The following MGAT4C variants were observed in gnomAD, a reference collection of about 807,000 sequenced individuals.
The protein encoded by MGAT4C is MGAT4 family member C.
A neutral mutation model predicts 40.1 loss-of-function variants in MGAT4C; 19 were observed. The ratio of observed to expected loss-of-function variants is 0.47; its 90% confidence interval spans 0.33 to 0.70. The LOEUF (loss-of-function observed/expected upper bound fraction) is 0.70. Among genes scored for constraint, MGAT4C ranks in the 30% least tolerant of loss-of-function variants. The pLI, the probability that MGAT4C is intolerant of heterozygous loss-of-function variation, is 0.02. For missense variants in MGAT4C, 491 were observed against 563.2 expected, an observed-to-expected ratio of 0.87 and a Z score of 1.30; for synonymous variants, 181 against 187.1, an observed-to-expected ratio of 0.97 and a Z score of 0.27.
chr12:86,672,055 C>G (rs1964267420), intron 2 of MGAT4C, among the ~76,000 whole-genome samples: 1 of 152,044 alleles, frequency 6.6e-6, no homozygotes, highest in South Asian at 2.1e-4. Flanking sequence ...AGTGTTAAAA[C>G]ATTCAGAACC....
intron 1 of MGAT4C, among the ~76,000 whole-genome samples, chr12:86,813,374 G>C (rs1405548064): frequency 6.6e-6 from 1 of 151,890 alleles, no homozygotes; most frequent in African/African-American, 2.4e-5. Flanking sequence ...TTTACCTTTA[G>C]ACATTAAGAT....
At chr12:86,390,412 T>G (rs1211510374) in intron 3 of MGAT4C, among the ~76,000 whole-genome samples, 5 of 152,194 alleles carry the variant, frequency 3.3e-5, no homozygotes, top group African/African-American at 1.2e-4. Context: ...GGATAGAGAC[T>G]TAGTAACTGA....
At chr12:86,424,726 A>G (rs1318289255) in intron 3 of MGAT4C, among the ~76,000 whole-genome samples, 2 of 152,154 alleles carry the variant, frequency 1.3e-5, no homozygotes, top group African/African-American at 4.8e-5. Context: ...TAATTCTTAT[A>G]ACAATCTAAT....
At chr12:86,648,229 T>A (rs1963599853) in intron 2 of MGAT4C, among the ~76,000 whole-genome samples, 1 of 151,962 alleles carries the variant, frequency 6.6e-6, no homozygotes, top group Non-Finnish European at 1.5e-5. Context: ...AAAAATATTG[T>A]TTTGAATCCA....
At chr12:86,731,877 C>T (rs73177497) in intron 1 of MGAT4C, among the ~76,000 whole-genome samples, 1 of 152,188 alleles carries the variant, frequency 6.6e-6, no homozygotes, top group Non-Finnish European at 1.5e-5. Flanking sequence ...TGTTTTTTAG[C>T]TAGAAGCATT....
intron 3 of MGAT4C, among the ~76,000 whole-genome samples, chr12:86,406,776 A>C (rs1289666703): frequency 2.0e-5 from 3 of 152,094 alleles, no homozygotes; most frequent in African/African-American, 7.2e-5. Flanking sequence ...AAAGGATGAG[A>C]TAAACTTTTT....
At chr12:86,636,336 T>A (rs1963218622) in intron 2 of MGAT4C, among the ~76,000 whole-genome samples, 1 of 152,092 alleles carries the variant, frequency 6.6e-6, no homozygotes, top group South Asian at 2.1e-4. Context: ...CAGTAATGAT[T>A]ATATCCCCAG....
Position 85,979,018 on chromosome 12 carries a change from A to G in MGAT4C, c.*271T>C. The G allele has an allele frequency of 4.2e-6, 1 of 239,516 alleles. No individual in the cohort carries two copies. The highest frequency in any genetic ancestry group is 8.0e-6 in the Non-Finnish European group (1 of 124,684). 14.8% of individuals were successfully genotyped at this position (239,516 alleles called of 1,614,324 possible). On this transcript the variant is annotated 3_prime_UTR_variant, in exon 5 of 5. Transcript: ENST00000611864. Reference sequence around the variant, plus strand: ...TAAAATCTTTCATATTACCCTTTCGACAATCAGTTGAAATTTTAAAACTAA... The same window carrying G: ...TAAAATCTTTCATATTACCCTTTCGGCAATCAGTTGAAATTTTAAAACTAA...
At chr12:86,735,033 T>C (rs915090346) in intron 1 of MGAT4C, among the ~76,000 whole-genome samples, 2 of 151,870 alleles carry the variant, frequency 1.3e-5, no homozygotes, top group Non-Finnish European at 2.9e-5. Context: ...TTTTTGTGTG[T>C]TTTGTGGAAA....
At position 86,603,313 on chromosome 12, in the gene MGAT4C, GTA is replaced by G. The variant is rs1166316231; in HGVS notation, c.-229+123894_-229+123895del. 9.7e-5 allele frequency among the ~76,000 whole-genome samples: 13 copies of G among 133,668 alleles called. No homozygotes were observed. The East Asian group carries it at 1.3e-3, about 13-fold the overall frequency. The allele number at this position is 133,668 out of a possible 152,430, so 87.7% of individuals were successfully genotyped here. A position where few individuals can be genotyped will look rare whatever the true frequency, so the allele number is the denominator to read the frequency against. On this transcript the variant is annotated intron_variant, in intron 2 of 7. Coordinates refer to the MGAT4C transcript ENST00000548651. ...ATATAGTATAGCATATAATTATATA[GTA>G]TATATATAAAATTATATAGTATAGT... is the stretch of plus-strand genomic sequence containing the variant.
chr12:86,713,379 C>T (rs1950592672), intron 2 of MGAT4C, among the ~76,000 whole-genome samples: 1 of 151,932 alleles, frequency 6.6e-6, no homozygotes, highest in Non-Finnish European at 1.5e-5. Context: ...TTAGGGTGAC[C>T]CTACCCTCTG....
chr12:86,113,597 T>C (rs187493267), intron 1 of MGAT4C, among the ~76,000 whole-genome samples: 12 of 152,024 alleles, frequency 7.9e-5, no homozygotes, highest in Admixed American at 7.9e-4. Context: ...TAGTTTTTAC[T>C]AAAATTTGGA....
At chr12:86,378,245 G>A (rs1228726754) in intron 3 of MGAT4C, among the ~76,000 whole-genome samples, 1 of 151,048 alleles carries the variant, frequency 6.6e-6, no homozygotes, top group East Asian at 1.9e-4. Context: ...GGACTATATG[G>A]CAATTCTATT....
intron 1 of MGAT4C, among the ~76,000 whole-genome samples, chr12:86,123,512 A>G (rs1055284263): frequency 6.6e-6 from 1 of 152,090 alleles, no homozygotes; most frequent in African/African-American, 2.4e-5. Context: ...CAAATCTTCA[A>G]CTATATTTGC....
chr12:86,472,982 G>C (rs752022708), intron 2 of MGAT4C, among the ~76,000 whole-genome samples: 2 of 152,070 alleles, frequency 1.3e-5, no homozygotes, highest in East Asian at 3.9e-4. Context: ...TAGAGATGGA[G>C]TCTCGCTCTG....
At chr12:86,235,358 A>AT (rs1463369385) in intron 1 of MGAT4C, among the ~76,000 whole-genome samples, 4 of 152,060 alleles carry the variant, frequency 2.6e-5, no homozygotes, top group Admixed American at 6.6e-5. Flanking sequence ...ATCAAAAGGG[A>AT]TTTTTTATAA....
At chr12:86,117,309 G>T (rs2135669207) in intron 1 of MGAT4C, among the ~76,000 whole-genome samples, 1 of 152,282 alleles carries the variant, frequency 6.6e-6, no homozygotes, top group African/African-American at 2.4e-5. Flanking sequence ...AAATATATGT[G>T]AGAGTGTATC....
intron 2 of MGAT4C, among the ~76,000 whole-genome samples, chr12:86,558,352 C>T (rs1324500730): frequency 6.6e-6 from 1 of 152,010 alleles, no homozygotes; most frequent in Non-Finnish European, 1.5e-5. Context: ...ATTTATGAAG[C>T]TCAAAGATTC....
chr12:86,596,276 C>T (rs1192194061), intron 2 of MGAT4C, among the ~76,000 whole-genome samples: 1 of 152,118 alleles, frequency 6.6e-6, no homozygotes, highest in Non-Finnish European at 1.5e-5. Context: ...CAGTATCTGA[C>T]ATCAAACTCA....
Sources: allele counts gnomAD v4.1 joint callset (sites outside exome capture counted in the v4.1 genomes callset), GRCh38; gene constraint gnomAD v4.1.1; transcripts MANE v1.5; gene names NCBI Gene and HGNC (gene_info 2026-07-23, HGNC 2026-07-21).